The following LTBP1 variants were observed in gnomAD, a reference collection of about 807,000 sequenced individuals.
LTBP1 encodes the protein latent transforming growth factor beta binding protein 1, also known as latent-transforming growth factor beta-binding protein 1.
In LTBP1, 129 loss-of-function variants were observed where a neutral mutation model predicts 207.6. The ratio of observed to expected loss-of-function variants is 0.62; its 90% CI spans 0.54 to 0.72. LTBP1 has a LOEUF of 0.72. LTBP1 is among the 30% of genes least tolerant of loss of function. The pLI is 0.00. For missense variants in LTBP1, 2,281 were observed against 2,217.2 expected, an observed-to-expected ratio of 1.03 and a Z score of -0.58; for synonymous variants, 963 against 833.7, an observed-to-expected ratio of 1.16 and a Z score of -2.67.
Position 33,300,557 on chromosome 2 carries a change from T to C in LTBP1, c.3342T>C (p.Ala1114=). The C allele has an allele frequency of 6.2e-7, 1 of 1,613,476 alleles. No homozygotes were observed. The highest frequency in any genetic ancestry group is 1.1e-5 in the South Asian group (1 of 91,040). The change falls in exon 21 of 34, where the codon GCT becomes GCC. Residue 1114 remains alanine, a synonymous_variant. Coordinates refer to ENST00000404816, the MANE Select transcript of LTBP1 (RefSeq NM_206943.4). ...TCGQGYQLSA[A]KDQCEDIDEC... ...GACAGGGGTACCAGCTGTCGGCAGC[T>C]AAAGACCAGTGTGAAGGTAAGAGGG...
At chr2:33,206,568 A>G (rs1348718265) in intron 7 of LTBP1, among the ~76,000 whole-genome samples, 2 of 151,904 alleles carry the variant, frequency 1.3e-5, no homozygotes, top group Non-Finnish European at 2.9e-5. Context: ...GTGAAGCCCC[A>G]TCTCTACTAA....
intron 3 of LTBP1, among the ~76,000 whole-genome samples, chr2:33,108,747 G>A (rs2080218427): frequency 6.6e-6 from 1 of 152,138 alleles, no homozygotes; most frequent in Non-Finnish European, 1.5e-5. Flanking sequence ...AGCATGGCCG[G>A]AGGGCAAATT....
intron 2 of LTBP1, among the ~76,000 whole-genome samples, chr2:32,997,604 A>G (rs1285226866): frequency 2.6e-5 from 4 of 152,114 alleles, no homozygotes; most frequent in Non-Finnish European, 5.9e-5. Flanking sequence ...TGCTCTTGGG[A>G]TGGTGGGATG....
At chr2:32,999,299 G>A (rs1441260165) in intron 2 of LTBP1, among the ~76,000 whole-genome samples, 1 of 152,140 alleles carries the variant, frequency 6.6e-6, no homozygotes, top group African/African-American at 2.4e-5. Context: ...TTCTTTCCGG[G>A]ATGTGCATTT....
At chr2:33,389,517 C>A (rs781474615) in intron 32 of LTBP1, among the ~76,000 whole-genome samples, 1 of 151,812 alleles carries the variant, frequency 6.6e-6, no homozygotes, top group Non-Finnish European at 1.5e-5. Flanking sequence ...CTGCATCATT[C>A]GTGAGCCGAG....
intron 31 of LTBP1, among the ~76,000 whole-genome samples, chr2:33,383,145 G>A (rs1186032902): frequency 6.6e-6 from 1 of 152,230 alleles, no homozygotes; most frequent in African/African-American, 2.4e-5. Context: ...CACGAGGTCA[G>A]GAGCTCAAGA....
intron 4 of LTBP1, among the ~76,000 whole-genome samples, chr2:33,115,793 G>T (rs1169767558): frequency 6.6e-6 from 1 of 152,092 alleles, no homozygotes; most frequent in African/African-American, 2.4e-5. Context: ...TATAAAAATG[G>T]TCAGTCAAGA....
At chr2:33,053,166 TG>T (rs1454163296) in intron 3 of LTBP1, among the ~76,000 whole-genome samples, 2 of 152,192 alleles carry the variant, frequency 1.3e-5, no homozygotes, top group Non-Finnish European at 2.9e-5. Context: ...CCACCGCGCC[TG>T]GCCTAAAAGA....
intron 31 of LTBP1, among the ~76,000 whole-genome samples, chr2:33,384,666 A>C (rs991184812): frequency 2.0e-5 from 3 of 152,262 alleles, no homozygotes; most frequent in Non-Finnish European, 2.9e-5. Context: ...TCATCTCCAC[A>C]TGTTGAGCTG....
At chr2:33,082,365 T>C (rs966326147) in intron 3 of LTBP1, among the ~76,000 whole-genome samples, 5 of 150,536 alleles carry the variant, frequency 3.3e-5, no homozygotes, top group Non-Finnish European at 5.9e-5. Flanking sequence ...ACAAACAGAC[T>C]AGGACAGGTA....
chr2:33,377,259 C>T (rs1270213739), intron 31 of LTBP1, among the ~76,000 whole-genome samples: 13 of 152,150 alleles, frequency 8.5e-5, no homozygotes, highest in Admixed American at 8.5e-4. Flanking sequence ...TTTGGAACGC[C>T]GACCAGGGAG....
chr2:33,319,897 C>T (rs1367649391), intron 24 of LTBP1, among the ~76,000 whole-genome samples: 11 of 152,152 alleles, frequency 7.2e-5, no homozygotes, highest in Non-Finnish European at 1.3e-4. Context: ...AAAATCACTC[C>T]CTGAAGTATT....
chr2:33,232,129 A>G (rs145781247), intron 9 of LTBP1, among the ~76,000 whole-genome samples: 2,667 of 152,216 alleles, frequency 0.018, 38 homozygotes, highest in Middle Eastern at 0.085. Context: ...TGGCTCAACC[A>G]TCCTAGGAGG....
intron 2 of LTBP1, among the ~76,000 whole-genome samples, chr2:32,988,206 G>T (rs747992938): frequency 1.1e-4 from 16 of 152,212 alleles, no homozygotes; most frequent in Admixed American, 2.6e-4. Flanking sequence ...AACTGCGAGA[G>T]AATAAGTTTC....
intron 20 of LTBP1, among the ~76,000 whole-genome samples, chr2:33,296,511 C>G (rs957049235): frequency 7.9e-5 from 12 of 152,064 alleles, no homozygotes; most frequent in Non-Finnish European, 1.6e-4. Context: ...TCTCAGGTTT[C>G]CAGACATTGT....
chr2:33,162,156 A>T (rs1320580353), intron 5 of LTBP1, among the ~76,000 whole-genome samples: 1 of 152,200 alleles, frequency 6.6e-6, no homozygotes, highest in Non-Finnish European at 1.5e-5. Flanking sequence ...TTTGTGGCTG[A>T]AGTGTTGAAT....
intron 19 of LTBP1, among the ~76,000 whole-genome samples, chr2:33,283,968 G>GT (rs1187766625): frequency 4.0e-5 from 6 of 151,892 alleles, no homozygotes; most frequent in East Asian, 3.9e-4. Flanking sequence ...TATGCTTATA[G>GT]TTTTTTTTCT....
At chr2:33,281,076 T>C (rs1169907014) in intron 19 of LTBP1, among the ~76,000 whole-genome samples, 1 of 152,052 alleles carries the variant, frequency 6.6e-6, no homozygotes, top group African/African-American at 2.4e-5. Flanking sequence ...CTCTAAAATA[T>C]GAAACAAAAG....
chr2:33,300,299 C>T (rs115582857), intron 20 of LTBP1, 152 bp from the exon 21 acceptor site: 15,883 of 587,614 alleles, frequency 0.027, 319 homozygotes, highest in Middle Eastern at 0.06. Context: ...GATACAACAG[C>T]ATGGGTGGAG....
Sources: gnomAD v4.1 joint callset for allele counts (sites outside exome capture counted in the v4.1 genomes callset) on GRCh38, gnomAD v4.1.1 for gene constraint, MANE v1.5 for transcripts, NCBI Gene and HGNC (gene_info 2026-07-23, HGNC 2026-07-21) for gene names.